Variants in TP53BP2 observed in about 807,000 individuals in gnomAD.
The protein encoded by TP53BP2 is apoptosis-stimulating of p53 protein 2.
Under a neutral mutation model 126.2 loss-of-function variants are expected in TP53BP2, and 62 were observed. The observed-to-expected ratio is 0.49, with a 90% CI of 0.40 to 0.61. The LOEUF is 0.61. Ranked by LOEUF, TP53BP2 falls within the 20% of genes least tolerant of loss-of-function variation. TP53BP2 has a pLI of 0.00. For missense variants in TP53BP2, 1,215 were observed against 1,402.8 expected (o/e 0.87, Z 2.14); for synonymous variants, 485 against 502.9 (o/e 0.96, Z 0.48).
At chr1:223,811,682 A>G (rs1160616210) in intron 3 of TP53BP2, among the ~76,000 whole-genome samples, 2 of 152,238 alleles carry the variant, frequency 1.3e-5, no homozygotes, top group African/African-American at 2.4e-5. Context: ...TCAGGGTCAC[A>G]GGTCCTAATT....
At chr1:223,821,388 A>G in intron 1 of TP53BP2, 21 bp from the exon 2 acceptor site, 1 of 1,613,892 alleles carries the variant, frequency 6.2e-7, no homozygotes, top group Non-Finnish European at 8.5e-7. Flanking sequence ...AGAGAGAAAC[A>G]CATGGTTACT....
chr1:223,790,346 C>G (rs1662111459), intron 15 of TP53BP2, among the ~76,000 whole-genome samples: 1 of 151,790 alleles, frequency 6.6e-6, no homozygotes, highest in Admixed American at 6.6e-5. Context: ...CACTTGAGTT[C>G]AAGGGTTCAA....
chr1:223,804,291 C>G lies in TP53BP2; in HGVS notation c.532G>C (p.Glu178Gln). 1 of 1,614,034 alleles carries G rather than the reference C, an allele frequency of 6.2e-7. No individual in the cohort carries two copies. Among genetic ancestry groups the G allele is most frequent in the African/African-American group, 1.3e-5 (1 of 75,044 alleles). ...TTTAGCCTTTTAAGTTTCTCCTGCT[C>G]AGCAACTTGTTGCTGTTGTCGCTGA... ...QDQRQQQQVA[E>Q]QEKLKRLKEI... The change falls in exon 6 of 18, where the codon GAG (glutamate) becomes CAG (glutamine). Residue 178 changes from glutamate (E) to glutamine (Q), a missense_variant. Glu to Gln is a conservative substitution (Grantham distance 29). Coordinates refer to ENST00000343537, the MANE Select transcript of TP53BP2 (RefSeq NM_001031685.3).
Position 223,814,255 on chromosome 1 carries a change from G to C in TP53BP2, c.274C>G (p.Pro92Ala), listed in dbSNP as rs1384942823. Residue 92 changes from proline (P) to alanine (A), a missense_variant, in exon 3 of 18, where the codon CCT becomes GCT. Pro to Ala is a conservative substitution (Grantham distance 27). This residue lies in a region of TP53BP2 where 814 missense variants were observed against 853.0 expected (regional missense o/e 0.95). Transcript: ENST00000343537. ...CACTACCTACCAATGTCCCTGCCAG[G>C]GGGGCGTTCATGACGAAGGAAGAAG... Reference protein sequence around the residue: ...VRFFLRHERPPGRDIVSGPRS... With the variant: ...VRFFLRHERPAGRDIVSGPRS... 1.2e-6 allele frequency: 2 copies of C among 1,613,288 alleles called. No individual in the cohort carries two copies. The highest frequency in any genetic ancestry group is 1.3e-5 in the African/African-American group (1 of 74,914).
At chr1:223,792,285 G>T in intron 15 of TP53BP2, 104 bp downstream of exon 15, 1 of 1,316,506 alleles carries the variant, frequency 7.6e-7, no homozygotes, top group Non-Finnish European at 1.0e-6. Context: ...GCAGCTCAAG[G>T]ACATAACTGA....
At chr1:223,845,625 C>T in intron 1 of TP53BP2, 29 bp downstream of exon 1, 3 of 1,543,772 alleles carry the variant, frequency 1.9e-6, no homozygotes, top group South Asian at 2.4e-5. Flanking sequence ...CACTTCCGGG[C>T]CCGACGCCCT....
intron 3 of TP53BP2, among the ~76,000 whole-genome samples, chr1:223,812,903 G>A (rs1008577906): frequency 2.6e-5 from 4 of 151,734 alleles, no homozygotes; most frequent in African/African-American, 9.7e-5. Context: ...TCGTCATGTT[G>A]GCCAGGCTGG....
Position 223,845,836 on chromosome 1 carries a change from G to T in TP53BP2, c.-156C>A. 1 of 555,390 alleles carries T rather than the reference G, an allele frequency of 1.8e-6. No individual in the cohort carries two copies. The allele number at this position is 555,390 out of a possible 1,614,324, so 34.4% of individuals were successfully genotyped here. On this transcript the variant is annotated 5_prime_UTR_variant, in exon 1 of 18. Coordinates refer to ENST00000343537, the MANE Select transcript of TP53BP2 (RefSeq NM_001031685.3). ...CGCGGGTCCGAAGGGCCCTCCGCGC[G>T]GGCTGGGGCACCAACAAGCCCCGGG...
intron 3 of TP53BP2, among the ~76,000 whole-genome samples, chr1:223,813,673 A>G (rs566647274): frequency 1.8e-4 from 27 of 152,260 alleles, no homozygotes; most frequent in Non-Finnish European, 3.4e-4. Context: ...TGGGCTGTAG[A>G]CCACCACTGG....
chr1:223,814,808 A>G (rs1663032117), intron 2 of TP53BP2, among the ~76,000 whole-genome samples: 1 of 152,074 alleles, frequency 6.6e-6, no homozygotes, highest in Non-Finnish European at 1.5e-5. Flanking sequence ...AATACAGGCT[A>G]TTTTTAAATT....
In TP53BP2 at chr1:223,804,163, G is replaced by A. The variant is rs1373859342; in HGVS notation, c.649+11C>T. The A allele has an allele frequency of 3.8e-6, 6 of 1,597,808 alleles. No individual in the cohort carries two copies. Among genetic ancestry groups the A allele is most frequent in the Non-Finnish European group, 5.1e-6 (6 of 1,175,366 alleles). ...ATGTATAAAAAAGTAAATCTATGAG[G>A]AACAACTCACCAAGTTTCCCATTGC... On this transcript the variant is annotated intron_variant, in intron 6 of 17. Coordinates refer to ENST00000343537, the MANE Select transcript of TP53BP2 (RefSeq NM_001031685.3).
chr1:223,792,676 C>T (rs903006038), intron 14 of TP53BP2, among the ~76,000 whole-genome samples, 154 bp from the exon 15 acceptor site: 3 of 151,932 alleles, frequency 2.0e-5, no homozygotes, highest in South Asian at 2.1e-4. Context: ...GAAAACTATA[C>T]CAAGAACAAT....
In TP53BP2 at chr1:223,789,144, G is replaced by A. The variant is rs12044358; in HGVS notation, c.3027C>T (p.Asn1009=). 3.1e-3 allele frequency: 4,935 copies of A among 1,614,170 alleles called. 207 individuals are homozygous for A. The East Asian group carries it at 0.088, about 29-fold the overall frequency. ...CCAAAAACTTACACACTTGGACGTT[G>A]TTACATGAGGCAGCACAATGTAATG... ...WTPLHCAASC[N]NVQVCKFLVE... The change falls in exon 16 of 18, where the codon AAC becomes AAT. Residue 1009 remains asparagine (N), a synonymous_variant. Coordinates refer to ENST00000343537, the MANE Select transcript of TP53BP2 (RefSeq NM_001031685.3).
At chr1:223,837,157 G>C (rs896772322) in intron 1 of TP53BP2, among the ~76,000 whole-genome samples, 4 of 137,736 alleles carry the variant, frequency 2.9e-5, no homozygotes, top group East Asian at 2.1e-4. Flanking sequence ...AAAAAAAAAG[G>C]GGGGGGGCGG....
Position 223,780,756 on chromosome 1 carries a change from T to C in TP53BP2, c.*97A>G, listed in dbSNP as rs141235201. The C allele has an allele frequency of 4.7e-5, 56 of 1,186,896 alleles. No homozygotes were observed. The East Asian group carries it at 1.3e-3, about 28-fold the overall frequency. 73.5% of individuals were successfully genotyped at this position (1,186,896 alleles called of 1,614,324 possible). ...TCATCGCTTTCAAGCTACATTGTCA[T>C]TAAAATAAGTCTTGTGAAATTTTTG... is the stretch of plus-strand genomic sequence containing the variant. On this transcript the variant is annotated 3_prime_UTR_variant, in exon 18 of 18. Transcript: ENST00000343537.
Position 223,802,323 on chromosome 1 carries a change from G to A in TP53BP2, c.1018C>T (p.Pro340Ser), listed in dbSNP as rs1426341667. The A allele has an allele frequency of 1.9e-6, 3 of 1,614,032 alleles. No individual in the cohort carries two copies. The highest frequency in any genetic ancestry group is 2.5e-6 in the Non-Finnish European group (3 of 1,180,032). The change falls in exon 9 of 18, where the codon CCC (proline) becomes TCC (serine). Residue 340 changes from proline (P) to serine (S), a missense_variant. Physicochemically the swap from Pro to Ser is moderately conservative, Grantham distance 74. This residue lies in a region of TP53BP2 where 814 missense variants were observed against 853.0 expected (regional missense o/e 0.95). Transcript: ENST00000343537. ...CTTGGGGCTGACGCGGCTTGCTGGG[G>A]AAGATTTCCATCAGATGAAACCTTA... ...NLPVSSDGNLPQQAASAPSRV... is the reference protein window; with the variant it reads ...NLPVSSDGNLSQQAASAPSRV...
In TP53BP2 at chr1:223,784,147, T is replaced by C. The variant is rs779940457; in HGVS notation, c.3331A>G (p.Lys1111Glu). Residue 1111 changes from lysine to glutamate, a missense_variant, in exon 17 of 18, where the codon AAG becomes GAG. This residue lies in a region of TP53BP2 where 151 missense variants were observed against 231.2 expected (regional missense o/e 0.65). Transcript: ENST00000343537. ...AAGTTACGTGGAACATATCCCTCCT[T>C]ATCATTAAGGCGCGCCCACCACCAT... is the stretch of plus-strand genomic sequence containing the variant. ...IEWWWARLND[K>E]EGYVPRNLLG... 1.9e-6 allele frequency: 3 copies of C among 1,614,152 alleles called. No individual in the cohort carries two copies. Among genetic ancestry groups the C allele is most frequent in the Non-Finnish European group, 2.5e-6 (3 of 1,180,016 alleles).
Position 223,806,863 on chromosome 1 carries a change from G to T in TP53BP2, c.457C>A (p.Gln153Lys), listed in dbSNP as rs771727942. ...RQQQQIEAQQ[Q>K]LLATKEQRLK... The stretch of plus-strand genomic sequence containing the variant: ...GATACTACCTTAGTTGCCAGCAATT[G>T]TTGCTGGGCTTCAATCTGTTGCTGC... Residue 153 changes from glutamine to lysine, a missense_variant, in exon 5 of 18, where the codon CAA becomes AAA. This residue lies in a region of TP53BP2 where 814 missense variants were observed against 853.0 expected (regional missense o/e 0.95). Transcript: ENST00000343537. The T allele has an allele frequency of 1.2e-6, 2 of 1,613,630 alleles. No individual in the cohort carries two copies. Among genetic ancestry groups the T allele is most frequent in the Non-Finnish European group, 1.7e-6 (2 of 1,179,730 alleles).
chr1:223,830,157 A>G (rs950710823), intron 1 of TP53BP2, among the ~76,000 whole-genome samples: 1 of 152,240 alleles, frequency 6.6e-6, no homozygotes, highest in Non-Finnish European at 1.5e-5. Flanking sequence ...GCTTGGGACC[A>G]GAAGTGTCTC....
Sources: allele counts gnomAD v4.1 joint callset (sites outside exome capture counted in the v4.1 genomes callset), GRCh38; gene constraint gnomAD v4.1.1; regional missense constraint gnomAD v4.1.1; transcripts MANE v1.5; gene names NCBI Gene and HGNC (gene_info 2026-07-23, HGNC 2026-07-21).